Variants in PTPRN2 observed in about 807,000 individuals in gnomAD.
PTPRN2 encodes the protein protein tyrosine phosphatase receptor type N2.
A neutral mutation model predicts 118.8 loss-of-function variants in PTPRN2; 74 were observed. The ratio of observed to expected loss-of-function variants is 0.62; its 90% CI spans 0.52 to 0.76. PTPRN2 has a LOEUF of 0.76. Ranked by LOEUF, PTPRN2 falls within the 30% of genes least tolerant of loss-of-function variation. The pLI is 0.00. For synonymous variants in PTPRN2, 641 were observed against 608.0 expected (o/e 1.05, Z -0.80); for missense variants, 1,481 against 1,394.4 (o/e 1.06, Z -0.99).
At chr7:158,072,448 C>T (rs1812017166) in intron 11 of PTPRN2, among the ~76,000 whole-genome samples, 1 of 152,162 alleles carries the variant, frequency 6.6e-6, no homozygotes. Context: ...GCCCAGGGGC[C>T]TTGGGCAGGT....
chr7:157,940,676 C>T (rs1453481997), intron 11 of PTPRN2, among the ~76,000 whole-genome samples: 1 of 149,214 alleles, frequency 6.7e-6, no homozygotes, highest in Non-Finnish European at 1.5e-5. Flanking sequence ...ATCTAACACT[C>T]TCCCCGAAGA....
At chr7:158,375,147 G>T (rs763316105) in intron 2 of PTPRN2, among the ~76,000 whole-genome samples, 4 of 152,184 alleles carry the variant, frequency 2.6e-5, no homozygotes, top group Non-Finnish European at 4.4e-5. Context: ...AGAGGCAGTG[G>T]CCGGCCAGAG....
At chr7:158,510,789 C>A (rs866975629) in intron 1 of PTPRN2, among the ~76,000 whole-genome samples, 1 of 152,188 alleles carries the variant, frequency 6.6e-6, no homozygotes, top group Non-Finnish European at 1.5e-5. Flanking sequence ...GCCGACAGGT[C>A]GGATGTGAAT....
intron 2 of PTPRN2, among the ~76,000 whole-genome samples, chr7:158,398,835 T>G (rs916902913): frequency 1.3e-5 from 2 of 152,240 alleles, no homozygotes; most frequent in African/African-American, 4.8e-5. Flanking sequence ...CATCACTGTT[T>G]CCAAGCTTAC....
rs148670503 is a variant in PTPRN2, at chr7:157,959,730, A to C, written c.1724-60993T>G. On this transcript the variant is annotated intron_variant, in intron 11 of 22. Coordinates refer to ENST00000389418, the MANE Select transcript of PTPRN2 (RefSeq NM_002847.5). ...GAGACTGAAACTCGTGTGTACTCCT[A>C]GTGGGAATGTAAAATGGTTCAGCCA... Among the ~76,000 whole-genome samples, 86 of 152,344 alleles carry C rather than the reference A, an allele frequency of 5.6e-4. No homozygotes were observed. The East Asian group carries it at 7.1e-3, about 13-fold the overall frequency.
At chr7:158,237,798 A>G (rs1282450838) in intron 3 of PTPRN2, among the ~76,000 whole-genome samples, 1 of 152,086 alleles carries the variant, frequency 6.6e-6, no homozygotes, top group Non-Finnish European at 1.5e-5. Context: ...CATTGCACTG[A>G]TGCTGGCTTC....
rs147553087 is a variant in PTPRN2 at position 157,947,685 on chromosome 7, GACATGA to G, written c.1724-48954_1724-48949del. The stretch of plus-strand genomic sequence containing the variant: ...CAATACTATCCCAAATTTGATGAAA[GACATGA>G]ATATACATATCCAAGAAGCTCAACT... On this transcript the variant is annotated intron_variant, in intron 11 of 22. Transcript: ENST00000389418. Among the ~76,000 whole-genome samples, 1,268 of 152,268 alleles carry G rather than the reference GACATGA, an allele frequency of 8.3e-3. 19 individuals are homozygous for G. Among genetic ancestry groups the G allele is most frequent in the African/African-American group, 0.029 (1,188 of 41,532 alleles).
intron 1 of PTPRN2, among the ~76,000 whole-genome samples, chr7:158,549,537 T>C (rs1486572551): frequency 6.6e-6 from 1 of 152,266 alleles, no homozygotes; most frequent in African/African-American, 2.4e-5. Context: ...TTCTGCTGGC[T>C]TTGTCTTCTC....
intron 12 of PTPRN2, among the ~76,000 whole-genome samples, chr7:157,738,691 CTGT>C (rs1239044793): frequency 6.6e-6 from 1 of 152,194 alleles, no homozygotes; most frequent in Non-Finnish European, 1.5e-5. Flanking sequence ...GAGCTCTGTG[CTGT>C]TGTTTCTGGA....
intron 12 of PTPRN2, among the ~76,000 whole-genome samples, chr7:157,759,338 G>A (rs1035968794): frequency 6.6e-6 from 1 of 152,244 alleles, no homozygotes; most frequent in Non-Finnish European, 1.5e-5. Flanking sequence ...GCATCGGGGA[G>A]CGATGTTCCT....
In PTPRN2 at chr7:158,529,015, C is replaced by T. The variant is rs528300220; in HGVS notation, c.113-39230G>A. Among the ~76,000 whole-genome samples the T allele has an allele frequency of 4.6e-5, 7 of 152,140 alleles. No individual in the cohort carries two copies. Among genetic ancestry groups the T allele is most frequent in the African/African-American group, 1.7e-4 (7 of 41,416 alleles). On this transcript the variant is annotated intron_variant, in intron 1 of 22. Transcript: ENST00000389418. This position sits in a 1 kb window ranked among gnomAD's most constrained non-coding sequence, Gnocchi z 4.7. ...TGCTCACGAAAGTCAGCCTGGCCTT[C>T]GAGCCCACCAAGGGGCTTTGGGATC...
intron 2 of PTPRN2, among the ~76,000 whole-genome samples, chr7:158,373,374 C>T (rs59682828): frequency 0.094 from 14,304 of 152,248 alleles, 809 homozygotes; most frequent in East Asian, 0.19. Flanking sequence ...GTGTGAGTAA[C>T]GCTAATTTCA....
rs908289503 is a variant in PTPRN2, at chr7:157,591,310, G to T, written c.2496+3928C>A. Among the ~76,000 whole-genome samples, 2 of 152,196 alleles carry T rather than the reference G, an allele frequency of 1.3e-5. No individual in the cohort carries two copies. The highest frequency in any genetic ancestry group is 2.9e-5 in the Non-Finnish European group (2 of 68,036). ...ACAGAGAAGAAACACCTGTGGACCT[G>T]CCCCAAGGAGGAGCTTCAGATCAGC... On this transcript the variant is annotated intron_variant, in intron 17 of 22. Transcript: ENST00000389418. This position sits in a 1 kb window ranked among gnomAD's most constrained non-coding sequence, Gnocchi z 4.4.
rs78417012 is a variant in PTPRN2 at position 157,962,351 on chromosome 7, C to A, written c.1724-63614G>T. On this transcript the variant is annotated intron_variant, in intron 11 of 22. Transcript: ENST00000389418. ...ATTCCACCAGCGGGAGCGTTATTCC[C>A]CCAGCGGGAGCGTTATTCCCCTTCC... Among the ~76,000 whole-genome samples the A allele has an allele frequency of 0.016, 2,428 of 152,014 alleles. 171 individuals are homozygous for A. The East Asian group carries it at 0.24, about 15-fold the overall frequency.
intron 12 of PTPRN2, among the ~76,000 whole-genome samples, chr7:157,751,732 C>T (rs555641824): frequency 3.3e-5 from 5 of 152,172 alleles, no homozygotes; most frequent in South Asian, 4.2e-4. Flanking sequence ...GATGGAGCCG[C>T]GCGCACAGAA....
intron 14 of PTPRN2, among the ~76,000 whole-genome samples, chr7:157,641,860 G>A (rs1014132957): frequency 2.6e-5 from 4 of 152,084 alleles, no homozygotes; most frequent in Non-Finnish European, 5.9e-5. Context: ...ACATGTGGAC[G>A]CACAAAGCTA....
At chr7:157,797,002 G>C (rs914479515) in intron 12 of PTPRN2, among the ~76,000 whole-genome samples, 5 of 152,168 alleles carry the variant, frequency 3.3e-5, no homozygotes, top group Non-Finnish European at 5.9e-5. Context: ...GTTCCGACTC[G>C]CCGCTCAGAC....
In PTPRN2 at chr7:157,977,368, G is replaced by C. The variant is rs1223951486; in HGVS notation, c.1724-78631C>G. On this transcript the variant is annotated intron_variant, in intron 11 of 22. Coordinates refer to ENST00000389418, the MANE Select transcript of PTPRN2 (RefSeq NM_002847.5). The surrounding 1 kb of genome is among the most constrained non-coding windows in gnomAD (Gnocchi z 4.6). ...CAAGTGGGAGGGGTTAATGTGCTCT[G>C]GAGTGACAGGGGTGGGAGGGGTTTA... Among the ~76,000 whole-genome samples, 1 of 151,896 alleles carries C rather than the reference G, an allele frequency of 6.6e-6. No individual in the cohort carries two copies. Among genetic ancestry groups the C allele is most frequent in the African/African-American group, 2.4e-5 (1 of 41,412 alleles).
chr7:157,604,585 G>A (rs147687013), intron 15 of PTPRN2, among the ~76,000 whole-genome samples: 49 of 152,296 alleles, frequency 3.2e-4, no homozygotes, highest in African/African-American at 1.1e-3. Context: ...GCAATCGCCC[G>A]CGTTTCAAAA....
Sources: allele counts gnomAD v4.1 joint callset (sites outside exome capture counted in the v4.1 genomes callset), GRCh38; gene constraint gnomAD v4.1.1; non-coding constraint Gnocchi (gnomAD v3.1); transcripts MANE v1.5; gene names NCBI Gene and HGNC (gene_info 2026-07-23, HGNC 2026-07-21).